RGS8: variants seen among roughly 807,000 people sequenced by gnomAD.
RGS8 encodes the protein regulator of G-protein signaling 8.
A neutral mutation model predicts 21.7 loss-of-function variants in RGS8; 8 were observed. That is an observed-to-expected ratio of 0.37 (90% CI 0.22 to 0.66). RGS8 has a LOEUF of 0.66. RGS8 is among the 30% of genes least tolerant of loss of function. The pLI, the probability that RGS8 is intolerant of heterozygous loss-of-function variation, is 0.59. For missense variants in RGS8, 157 were observed against 217.9 expected, an observed-to-expected ratio of 0.72 and a Z score of 1.76; for synonymous variants, 80 against 83.6, an observed-to-expected ratio of 0.96 and a Z score of 0.24.
the RGS8 span, among the ~76,000 whole-genome samples, chr1:182,730,486 G>A: frequency 6.6e-6 from 1 of 151,974 alleles, no homozygotes; most frequent in African/African-American, 2.4e-5. Flanking sequence ...AAAGTGGGCA[G>A]ATTGCCTGAG....
chr1:182,662,775 C>T (rs1468867389), intron 5 of RGS8, among the ~76,000 whole-genome samples: 1 of 152,200 alleles, frequency 6.6e-6, no homozygotes, highest in African/African-American at 2.4e-5. Context: ...CGCTCAGAGG[C>T]TGCATTCTCC....
the RGS8 span, among the ~76,000 whole-genome samples, chr1:182,724,716 C>G: frequency 6.6e-6 from 1 of 152,212 alleles, no homozygotes; most frequent in African/African-American, 2.4e-5. Context: ...TGCCACCACA[C>G]CTGGCTAATT....
rs950263285 is a variant in RGS8, at chr1:182,684,488, A to T, written n.89T>A. 3 of 152,278 alleles carry T rather than the reference A, an allele frequency of 2.0e-5. No homozygotes were observed. The highest frequency in any genetic ancestry group is 7.3e-5 in the African/African-American group (3 of 41,364). The allele number at this position is 152,278 out of a possible 1,614,324, so 9.4% of individuals were successfully genotyped here. Reference sequence around the variant, plus strand: ...GGGAGAGGGTGGCAGAGGGCAGCCCACTTCACCCAGCGCCCCTAGAATAGC... The same window carrying T: ...GGGAGAGGGTGGCAGAGGGCAGCCCTCTTCACCCAGCGCCCCTAGAATAGC... On this transcript the variant is annotated non_coding_transcript_exon_variant, in exon 1 of 5. Coordinates refer to the RGS8 transcript ENST00000515211. This position sits in a 1 kb window ranked among gnomAD's most constrained non-coding sequence, Gnocchi z 4.2.
intron 5 of RGS8, among the ~76,000 whole-genome samples, chr1:182,651,263 A>G (rs1344796487): frequency 6.6e-6 from 1 of 152,264 alleles, no homozygotes; most frequent in Non-Finnish European, 1.5e-5. Flanking sequence ...TATGTCCTGA[A>G]AAACCCATCA....
the RGS8 span, among the ~76,000 whole-genome samples, chr1:182,720,984 CACATATATAT>C: frequency 8.7e-5 from 4 of 45,824 alleles, no homozygotes; most frequent in African/African-American, 3.5e-4. Flanking sequence ...TACATATATA[CACATATATAT>C]GTGTGTATAT....
the RGS8 span, among the ~76,000 whole-genome samples, chr1:182,741,470 C>T: frequency 2.7e-4 from 39 of 142,214 alleles, no homozygotes; most frequent in Non-Finnish European, 5.1e-4. Flanking sequence ...CCCTCACTTC[C>T]GGGACCGGGC....
the RGS8 span, among the ~76,000 whole-genome samples, chr1:182,735,968 C>CT: frequency 6.6e-6 from 1 of 152,234 alleles, no homozygotes; most frequent in East Asian, 1.9e-4. Flanking sequence ...GTTTCTCAAA[C>CT]TTCAACCATT....
At chr1:182,712,954 C>A in the RGS8 span, 1 of 152,002 alleles carries the variant, frequency 6.6e-6, no homozygotes. Flanking sequence ...TTTCACCTAC[C>A]CAGTTGTTTG....
chr1:182,738,297 T>C, the RGS8 span, among the ~76,000 whole-genome samples: 2 of 152,212 alleles, frequency 1.3e-5, no homozygotes, highest in African/African-American at 2.4e-5. Context: ...TTTGTTTCCA[T>C]TTGTGTTAGA....
At chr1:182,710,697 A>C in the RGS8 span, among the ~76,000 whole-genome samples, 1 of 152,208 alleles carries the variant, frequency 6.6e-6, no homozygotes, top group Non-Finnish European at 1.5e-5. Context: ...TGTTACCACA[A>C]GAGGAGGAGG....
chr1:182,727,552 C>T, the RGS8 span, among the ~76,000 whole-genome samples: 1 of 152,132 alleles, frequency 6.6e-6, no homozygotes, highest in Admixed American at 6.6e-5. Flanking sequence ...TCTTGAACAA[C>T]TCATAACCTA....
At chr1:182,681,282 C>T (rs571293748) in intron 1 of RGS8, among the ~76,000 whole-genome samples, 1 of 152,138 alleles carries the variant, frequency 6.6e-6, no homozygotes, top group South Asian at 2.1e-4. Context: ...ATGTGGCTTT[C>T]CCTCCTATCG....
the RGS8 span, among the ~76,000 whole-genome samples, chr1:182,699,759 G>A: frequency 6.6e-6 from 1 of 152,296 alleles, no homozygotes; most frequent in South Asian, 2.1e-4. Context: ...TGTGCTGCAG[G>A]CCTGGGGCCT....
upstream of RGS8, among the ~76,000 whole-genome samples, chr1:182,685,693 G>A (rs1664684946): frequency 6.6e-6 from 1 of 152,122 alleles, no homozygotes; most frequent in African/African-American, 2.4e-5. Flanking sequence ...GCTGCACTCT[G>A]GGCGTTCTCA....
At chr1:182,721,315 G>A in the RGS8 span, among the ~76,000 whole-genome samples, 1 of 152,074 alleles carries the variant, frequency 6.6e-6, no homozygotes. Context: ...GCAAAAACAG[G>A]AGAGGGGAAA....
chr1:182,707,746 G>A, the RGS8 span, among the ~76,000 whole-genome samples: 58,716 of 151,920 alleles, frequency 0.39, 11,422 homozygotes, highest in African/African-American at 0.44. Flanking sequence ...TCGCTCTGTC[G>A]CCCAGGCTGG....
intron 5 of RGS8, among the ~76,000 whole-genome samples, chr1:182,655,380 T>C (rs1052303143): frequency 3.9e-5 from 6 of 152,096 alleles, no homozygotes; most frequent in Non-Finnish European, 8.8e-5. Flanking sequence ...GAAAAGTCAC[T>C]GAGGAAGGCA....
chr1:182,689,102 A>G (rs996048961), upstream of RGS8, among the ~76,000 whole-genome samples: 30 of 152,198 alleles, frequency 2.0e-4, no homozygotes, highest in African/African-American at 7.2e-4. Context: ...TTGCATTTCA[A>G]CAGGAGCAAA....
chr1:182,671,394 T>A (rs1184957501), intron 2 of RGS8, among the ~76,000 whole-genome samples: 1 of 152,184 alleles, frequency 6.6e-6, no homozygotes, highest in African/African-American at 2.4e-5. Flanking sequence ...CCACAGTGCA[T>A]GTGCCCTCAT....
Sources: allele counts gnomAD v4.1 joint callset (sites outside exome capture counted in the v4.1 genomes callset), GRCh38; gene constraint gnomAD v4.1.1; non-coding constraint Gnocchi (gnomAD v3.1); transcripts MANE v1.5; gene names NCBI Gene and HGNC (gene_info 2026-07-23, HGNC 2026-07-21).